The following ASRGL1 variants were observed in gnomAD, a reference collection of about 807,000 sequenced individuals.
The protein encoded by ASRGL1 is asparaginase and isoaspartyl peptidase 1, also known as isoaspartyl peptidase/L-asparaginase.
A neutral mutation model predicts 22.4 loss-of-function variants in ASRGL1; 16 were observed. That is an observed-to-expected ratio of 0.71 (90% CI 0.48 to 1.08). The LOEUF (loss-of-function observed/expected upper bound fraction) is 1.08, where lower values mean the gene tolerates loss of function less well. Among genes scored for constraint, ASRGL1 ranks in the 50% least tolerant of loss-of-function variants. The pLI, the probability that ASRGL1 is intolerant of heterozygous loss-of-function variation, is 0.00. For synonymous variants in ASRGL1, 165 were observed against 159.3 expected (o/e 1.04, Z -0.27); for missense variants, 412 against 410.1 (o/e 1.00, Z -0.04).
Position 62,355,007 on chromosome 11 carries a change from T to A in ASRGL1, c.191-1318T>A, listed in dbSNP as rs570810269. Among the ~76,000 whole-genome samples the A allele has an allele frequency of 3.6e-4, 55 of 152,136 alleles. 1 individual carries two copies. In the South Asian group the frequency reaches 0.011, roughly 30 times the overall value. On this transcript the variant is annotated intron_variant, in intron 2 of 6. Coordinates refer to ENST00000415229, the MANE Select transcript of ASRGL1 (RefSeq NM_001083926.2). ...CCCTTGGCTCATGGCAACCTCCGCC[T>A]CCCGGGTTCAAGTGATTCTCCTGCC... is the stretch of plus-strand genomic sequence containing the variant.
intron 4 of ASRGL1, chr11:62,381,823 C>G (rs1379751746): frequency 6.6e-6 from 1 of 152,512 alleles, no homozygotes; most frequent in Non-Finnish European, 1.5e-5. Flanking sequence ...AAGCTTACCA[C>G]AAGACTGACT....
In ASRGL1 at chr11:62,356,254, A is replaced by C; in HGVS notation, c.191-71A>C. On this transcript the variant is annotated intron_variant, in intron 2 of 6. Coordinates refer to ENST00000415229, the MANE Select transcript of ASRGL1 (RefSeq NM_001083926.2). ...GGGCGGCTGGCCGGGCGGGGGGCTGACCCCCCCACCTCCCTCCCGGACGGG... is the reference window on the plus strand; with the variant it reads ...GGGCGGCTGGCCGGGCGGGGGGCTGCCCCCCCCACCTCCCTCCCGGACGGG... 1.9e-6 allele frequency: 3 copies of C among 1,544,844 alleles called. No homozygotes were observed. The South Asian group carries it at 3.5e-5, about 18-fold the overall frequency.
At chr11:62,390,299 G>T (rs541443887) in intron 5 of ASRGL1, among the ~76,000 whole-genome samples, 10 of 152,258 alleles carry the variant, frequency 6.6e-5, no homozygotes, top group Admixed American at 2.0e-4. Flanking sequence ...CTGTCCAGCT[G>T]TGAGCACCAG....
Position 62,338,240 on chromosome 11 carries a change from A to G in ASRGL1, c.190+73A>G, listed in dbSNP as rs567475404. On this transcript the variant is annotated intron_variant, in intron 2 of 6. Coordinates refer to ENST00000415229, the MANE Select transcript of ASRGL1 (RefSeq NM_001083926.2). ...CTTCTTCAGAATAAATAGAACCTAC[A>G]TAGTGTTAGGGAATCTAATGAGCTT... 21 of 1,384,882 alleles carry G rather than the reference A, an allele frequency of 1.5e-5. No individual in the cohort carries two copies. The South Asian group carries it at 2.5e-4, about 17-fold the overall frequency. 85.8% of individuals were successfully genotyped at this position (1,384,882 alleles called of 1,614,324 possible). A position where few individuals can be genotyped will look rare whatever the true frequency, so the allele number is the denominator to read the frequency against.
At chr11:62,356,124 A>G (rs1271614812) in intron 2 of ASRGL1, among the ~76,000 whole-genome samples, 1 of 152,060 alleles carries the variant, frequency 6.6e-6, no homozygotes, top group Non-Finnish European at 1.5e-5. Context: ...CCCGTTCTCA[A>G]TGAGCTGTTG....
chr11:62,356,828 G>A (rs1334548382), intron 3 of ASRGL1, among the ~76,000 whole-genome samples, 159 bp from the exon 4 acceptor site: 2 of 152,100 alleles, frequency 1.3e-5, no homozygotes, highest in Non-Finnish European at 2.9e-5. Context: ...CAAAAACTCA[G>A]TCAGGCTTTT....
intron 2 of ASRGL1, among the ~76,000 whole-genome samples, chr11:62,338,786 A>G (rs1253409302): frequency 2.1e-5 from 3 of 142,316 alleles, no homozygotes; most frequent in Non-Finnish European, 4.6e-5. Context: ...AATACAAAAG[A>G]AAAAAAAAAA....
intron 2 of ASRGL1, among the ~76,000 whole-genome samples, chr11:62,354,067 C>T (rs888413815): frequency 6.6e-6 from 1 of 152,216 alleles, no homozygotes; most frequent in Non-Finnish European, 1.5e-5. Context: ...TTTGCCTACA[C>T]ATGCTAGACA....
downstream of ASRGL1, among the ~76,000 whole-genome samples, chr11:62,396,942 G>A (rs1180692234): frequency 6.6e-6 from 1 of 152,182 alleles, no homozygotes; most frequent in Non-Finnish European, 1.5e-5. Flanking sequence ...CTGTAATACT[G>A]AGGCTCCTCT....
chr11:62,382,449 A>G (rs1234780390), intron 4 of ASRGL1: 1 of 151,996 alleles, frequency 6.6e-6, no homozygotes, highest in Non-Finnish European at 1.5e-5. Context: ...CATGTATACA[A>G]ACATTAAAGA....
chr11:62,371,419 G>T, intron 4 of ASRGL1: 1 of 576,570 alleles, frequency 1.7e-6, no homozygotes, highest in Non-Finnish European at 3.0e-6. Context: ...CAAGAAGCAC[G>T]TCAAACTTGA....
At chr11:62,384,280 A>G (rs1236354045) in intron 4 of ASRGL1, among the ~76,000 whole-genome samples, 3 of 152,086 alleles carry the variant, frequency 2.0e-5, no homozygotes, top group Non-Finnish European at 4.4e-5. Context: ...CAAGGCAGGC[A>G]GATCATGAGG....
chr11:62,371,326 G>C, intron 4 of ASRGL1: 3 of 1,292,168 alleles, frequency 2.3e-6, no homozygotes, highest in South Asian at 1.5e-5. Context: ...CGGGGCCCCC[G>C]GCAGGGGCAA....
chr11:62,344,652 A>C (rs1046508062), intron 2 of ASRGL1, among the ~76,000 whole-genome samples: 2 of 151,480 alleles, frequency 1.3e-5, no homozygotes, highest in African/African-American at 4.9e-5. Flanking sequence ...AGTACGTGAG[A>C]TATTGTGATA....
intron 5 of ASRGL1, 170 bp from the exon 6 acceptor site, chr11:62,391,352 A>G (rs779120104): frequency 5.9e-5 from 61 of 1,032,564 alleles, no homozygotes; most frequent in Non-Finnish European, 7.8e-5. Context: ...TGGGGCATCT[A>G]CATGACGCTT....
At chr11:62,346,553 C>T (rs1946028260) in intron 2 of ASRGL1, among the ~76,000 whole-genome samples, 1 of 152,156 alleles carries the variant, frequency 6.6e-6, no homozygotes, top group Non-Finnish European at 1.5e-5. Context: ...GCAGATGTGC[C>T]GCTTTCTGGA....
chr11:62,361,093 A>G (rs1946422064), intron 4 of ASRGL1, among the ~76,000 whole-genome samples: 1 of 152,232 alleles, frequency 6.6e-6, no homozygotes, highest in Non-Finnish European at 1.5e-5. Flanking sequence ...CCTAGGATAG[A>G]GAATTCCAAC....
At chr11:62,388,944 G>A (rs1461530350) in intron 4 of ASRGL1, among the ~76,000 whole-genome samples, 189 bp from the exon 5 acceptor site, 1 of 152,172 alleles carries the variant, frequency 6.6e-6, no homozygotes, top group Non-Finnish European at 1.5e-5. Flanking sequence ...GTGTGGAGGA[G>A]TGTCCAGCAA....
At chr11:62,371,953 C>CAAA (rs35892721) in intron 4 of ASRGL1, 3,374 of 417,982 alleles carry the variant, frequency 8.1e-3, no homozygotes, top group South Asian at 0.014. Flanking sequence ...GACTCCGTCT[C>CAAA]AAAAAAAAAA....
Sources: gnomAD v4.1 joint callset for allele counts (sites outside exome capture counted in the v4.1 genomes callset) on GRCh38, gnomAD v4.1.1 for gene constraint, MANE v1.5 for transcripts, NCBI Gene and HGNC (gene_info 2026-07-23, HGNC 2026-07-21) for gene names.